Variants in DDHD1 observed in about 807,000 individuals in gnomAD.
DDHD1 encodes the protein DDHD domain containing 1, also known as phospholipase DDHD1.
DDHD1 carries 49 observed loss-of-function variants against 96.4 expected under a neutral mutation model. That is an observed-to-expected ratio of 0.51 (90% confidence interval 0.40 to 0.64). The LOEUF (loss-of-function observed/expected upper bound fraction) is 0.64, where lower values mean the gene tolerates loss of function less well. Ranked by LOEUF, DDHD1 falls within the 30% of genes least tolerant of loss-of-function variation. The probability of loss-of-function intolerance (pLI) is 0.00; values close to 1 mark genes in which losing one functional copy is unlikely to be tolerated. For synonymous variants in DDHD1, 442 were observed against 446.5 expected (o/e 0.99, Z 0.13); for missense variants, 1,106 against 1,161.2 (o/e 0.95, Z 0.69).
intron 11 of DDHD1, chr14:53,054,159 C>A: frequency 3.1e-6 from 1 of 319,602 alleles, no homozygotes. Context: ...GGTACTTACC[C>A]TAAAGAGATT....
At chr14:53,113,795 G>A (rs1446899470) in intron 1 of DDHD1, among the ~76,000 whole-genome samples, 1 of 152,126 alleles carries the variant, frequency 6.6e-6, no homozygotes, top group Non-Finnish European at 1.5e-5. Flanking sequence ...GCACATAACT[G>A]GGCAGCTGTT....
intron 10 of DDHD1, among the ~76,000 whole-genome samples, chr14:53,054,998 G>A (rs1325696922): frequency 6.6e-6 from 1 of 152,144 alleles, no homozygotes; most frequent in Non-Finnish European, 1.5e-5. Flanking sequence ...GAATTTAAAT[G>A]GACATGTAAG....
In DDHD1 at chr14:53,039,071, C is replaced by A. The variant is rs1881464019; in HGVS notation, c.*7697G>T. ...TGTCAAATGATTATTAATTTGAACT[C>A]TTTTGGATCCAAGAGACAGAGACCC... On this transcript the variant is annotated 3_prime_UTR_variant, in exon 13 of 13. Transcript: ENST00000673822. 6.6e-6 allele frequency: 1 copy of A among 152,164 alleles called. No individual in the cohort carries two copies. The highest frequency in any genetic ancestry group is 1.5e-5 in the Non-Finnish European group (1 of 68,020). The allele number at this position is 152,164 out of a possible 1,614,324, so 9.4% of individuals were successfully genotyped here. A position where few individuals can be genotyped will look rare whatever the true frequency, so the allele number is the denominator to read the frequency against.
chr14:53,107,491 T>C (rs1887776334), intron 1 of DDHD1, among the ~76,000 whole-genome samples: 1 of 152,102 alleles, frequency 6.6e-6, no homozygotes, highest in South Asian at 2.1e-4. Flanking sequence ...AAGCATCCAA[T>C]TTAAAACTTG....
At position 53,152,280 on chromosome 14, in the gene DDHD1, G is replaced by A; in HGVS notation, c.819C>T (p.Cys273=). 1.9e-6 allele frequency: 3 copies of A among 1,610,928 alleles called. No individual in the cohort carries two copies. Among genetic ancestry groups the A allele is most frequent in the Non-Finnish European group, 2.5e-6 (3 of 1,178,398 alleles). Residue 273 remains cysteine, a synonymous_variant, in exon 1 of 13, where the codon TGC becomes TGT. Transcript: ENST00000673822. ...ACTCACGGTTCCAGTACACCGGGTA[G>A]CACTCTCCTTGGGTCACATCCACCT... ...LYEVDVTQGE[C]YPVYWNQADK...
chr14:53,092,012 A>G (rs1346120325), intron 3 of DDHD1, 80 bp from the exon 4 acceptor site: 45 of 1,396,150 alleles, frequency 3.2e-5, no homozygotes, highest in Non-Finnish European at 4.3e-5. Context: ...GAAAAAAAAG[A>G]AGTAAAAGGA....
intron 1 of DDHD1, among the ~76,000 whole-genome samples, chr14:53,123,490 A>T (rs547247040): frequency 3.0e-4 from 45 of 152,312 alleles, no homozygotes; most frequent in Non-Finnish European, 5.6e-4. Flanking sequence ...TAGCAAAACA[A>T]ACAAACCTGC....
intron 1 of DDHD1, among the ~76,000 whole-genome samples, chr14:53,137,745 A>C (rs72688282): frequency 0.1 from 15,196 of 152,288 alleles, 974 homozygotes; most frequent in Middle Eastern, 0.15. Flanking sequence ...CAGAAAAATA[A>C]ATTTGGAGAA....
At chr14:53,145,082 G>A (rs1890883742) in intron 1 of DDHD1, among the ~76,000 whole-genome samples, 1 of 152,104 alleles carries the variant, frequency 6.6e-6, no homozygotes, top group Non-Finnish European at 1.5e-5. Flanking sequence ...CCTGGGAGGT[G>A]GAGGTTGCAG....
chr14:53,047,027 G>T, intron 12 of DDHD1, 78 bp from the exon 13 acceptor site: 1 of 1,181,184 alleles, frequency 8.5e-7, no homozygotes, highest in Non-Finnish European at 1.1e-6. Flanking sequence ...GGAGTTGAGA[G>T]TAAAAATTTA....
At chr14:53,083,025 G>A (rs915852221) in intron 4 of DDHD1, among the ~76,000 whole-genome samples, 3 of 152,120 alleles carry the variant, frequency 2.0e-5, no homozygotes, top group Admixed American at 6.5e-5. Context: ...GGATAATGAG[G>A]GAAGACGGGG....
Position 53,153,146 on chromosome 14 carries a change from C to T in DDHD1, c.-48G>A. 3 of 1,336,528 alleles carry T rather than the reference C, an allele frequency of 2.2e-6. No homozygotes were observed. The highest frequency in any genetic ancestry group is 3.6e-5 in the South Asian group (2 of 55,746). 82.8% of individuals were successfully genotyped at this position (1,336,528 alleles called of 1,614,324 possible). A position where few individuals can be genotyped will look rare whatever the true frequency, so the allele number is the denominator to read the frequency against. ...TCCGGCGGCGCGCGGAGCCGTGACCCCCAGCGCTTCCGCCACACATTCAAC... is the reference window on the plus strand; with the variant it reads ...TCCGGCGGCGCGCGGAGCCGTGACCTCCAGCGCTTCCGCCACACATTCAAC... On this transcript the variant is annotated 5_prime_UTR_variant, in exon 1 of 13. Coordinates refer to ENST00000673822, the MANE Select transcript of DDHD1 (RefSeq NM_001160148.2).
rs549457426 is a variant in DDHD1, at chr14:53,062,888, T to C, written c.1766+55A>G. 5.5e-5 allele frequency: 86 copies of C among 1,553,840 alleles called. No individual in the cohort carries two copies. In the African/African-American group the frequency reaches 1.1e-3, roughly 20 times the overall value. ...AAATTCTTAGTTTTCTCGTAAGAGG[T>C]CCAGTAATTCCATAAAGACATTTAA... On this transcript the variant is annotated intron_variant, in intron 7 of 12. Transcript: ENST00000673822.
intron 1 of DDHD1, among the ~76,000 whole-genome samples, chr14:53,148,899 G>A (rs961318326): frequency 6.6e-6 from 1 of 152,152 alleles, no homozygotes; most frequent in Non-Finnish European, 1.5e-5. Flanking sequence ...CTGTAATAAG[G>A]ATGTTACATA....
At chr14:53,119,978 A>C (rs903926622) in intron 1 of DDHD1, among the ~76,000 whole-genome samples, 2 of 152,214 alleles carry the variant, frequency 1.3e-5, no homozygotes, top group African/African-American at 4.8e-5. Flanking sequence ...GAAAGAAATA[A>C]AGGGTATTCA....
intron 1 of DDHD1, among the ~76,000 whole-genome samples, chr14:53,144,304 G>A (rs529776616): frequency 9.9e-4 from 151 of 152,354 alleles, no homozygotes; most frequent in African/African-American, 3.5e-3. Flanking sequence ...GCTATACAAT[G>A]AGAATGTTAA....
At chr14:53,131,446 A>T (rs1399851545) in intron 1 of DDHD1, among the ~76,000 whole-genome samples, 3 of 151,992 alleles carry the variant, frequency 2.0e-5, no homozygotes, top group Non-Finnish European at 4.4e-5. Flanking sequence ...TTATTAATCA[A>T]ATCATCCTTC....
chr14:53,057,827 T>A (rs1883191109), intron 9 of DDHD1, among the ~76,000 whole-genome samples: 1 of 152,220 alleles, frequency 6.6e-6, no homozygotes, highest in Admixed American at 6.5e-5. Flanking sequence ...ATTAATTCGA[T>A]GGCACCTTGT....
rs533899454 is a variant in DDHD1, at chr14:53,152,485, G to C, written c.614C>G (p.Pro205Arg). ...GTCGCCGTCCCGGTCCCCGCCCTGG[G>C]GCCGGGCACCCGTGGTCTGCAGCAG... ...RTLLQTTGAR[P>R]QGGDRDGDHV... Residue 205 changes from proline to arginine, a missense_variant, in exon 1 of 13, where the codon CCC (proline) becomes CGC (arginine). Coordinates refer to ENST00000673822, the MANE Select transcript of DDHD1 (RefSeq NM_001160148.2). 1.2e-6 allele frequency: 2 copies of C among 1,612,952 alleles called. No individual in the cohort carries two copies. The highest frequency in any genetic ancestry group is 2.2e-5 in the East Asian group (1 of 44,858).
Sources: allele counts gnomAD v4.1 joint callset (sites outside exome capture counted in the v4.1 genomes callset), GRCh38; gene constraint gnomAD v4.1.1; transcripts MANE v1.5; gene names NCBI Gene and HGNC (gene_info 2026-07-23, HGNC 2026-07-21).